The following ARID5B variants were observed in gnomAD, a reference collection of about 807,000 sequenced individuals.
ARID5B encodes AT-rich interaction domain 5B, also known as AT-rich interactive domain-containing protein 5B.
ARID5B carries 13 observed loss-of-function variants against 97.2 expected under a neutral mutation model. The observed-to-expected ratio is 0.13, with a 90% CI of 0.09 to 0.21. The LOEUF is 0.21. Among genes scored for constraint, ARID5B ranks in the 10% least tolerant of loss-of-function variants. The pLI is 1.00. For missense variants in ARID5B, 1,210 were observed against 1,465.3 expected, an observed-to-expected ratio of 0.83 and a Z score of 2.84; for synonymous variants, 556 against 570.3, an observed-to-expected ratio of 0.97 and a Z score of 0.36.
Position 61,969,218 on chromosome 10 carries a change from T to C in ARID5B, c.502+28810T>C, listed in dbSNP as rs1037493291. Among the ~76,000 whole-genome samples, 6 of 152,186 alleles carry C rather than the reference T, an allele frequency of 3.9e-5. No individual in the cohort carries two copies. The East Asian group carries it at 1.2e-3, about 29-fold the overall frequency. On this transcript the variant is annotated intron_variant, in intron 3 of 9. Coordinates refer to ENST00000279873, the MANE Select transcript of ARID5B (RefSeq NM_032199.3). ...AAGAGAACAATGGCATTACTTCTCA[T>C]ATTGGAAGATACGATTTTCAGCAAG...
At chr10:62,017,154 A>G (rs1230599253) in intron 4 of ARID5B, among the ~76,000 whole-genome samples, 1 of 152,236 alleles carries the variant, frequency 6.6e-6, no homozygotes, top group Admixed American at 6.5e-5. Flanking sequence ...ATACGTTTGT[A>G]TATTCATATA....
chr10:61,935,250 C>T (rs1844279042), intron 2 of ARID5B, among the ~76,000 whole-genome samples: 1 of 151,976 alleles, frequency 6.6e-6, no homozygotes, highest in African/African-American at 2.4e-5. Context: ...AGAGGTATGC[C>T]CGTACATGGA....
At chr10:62,080,384 C>G (rs1388976223) in intron 8 of ARID5B, among the ~76,000 whole-genome samples, 6 of 152,198 alleles carry the variant, frequency 3.9e-5, no homozygotes, top group Non-Finnish European at 7.3e-5. Flanking sequence ...ATTCTCATTT[C>G]TCTGCTCATT....
At chr10:62,024,155 T>C (rs1186508157) in intron 4 of ARID5B, among the ~76,000 whole-genome samples, 1 of 152,220 alleles carries the variant, frequency 6.6e-6, no homozygotes, top group South Asian at 2.1e-4. Flanking sequence ...ACTTATTATG[T>C]ACCAGATAAT....
chr10:62,016,694 C>T (rs952514849), intron 4 of ARID5B, among the ~76,000 whole-genome samples: 1 of 152,206 alleles, frequency 6.6e-6, no homozygotes, highest in Non-Finnish European at 1.5e-5. Flanking sequence ...GGCTTCTTGG[C>T]ATCTGTCTTC....
chr10:62,045,531 A>G (rs528973837), intron 4 of ARID5B, among the ~76,000 whole-genome samples: 27 of 151,368 alleles, frequency 1.8e-4, no homozygotes, highest in African/African-American at 5.8e-4. Flanking sequence ...GCTCACCACA[A>G]CCACCGCCTC....
At chr10:62,073,623 C>G (rs1840092885) in intron 8 of ARID5B, among the ~76,000 whole-genome samples, 1 of 152,186 alleles carries the variant, frequency 6.6e-6, no homozygotes, top group South Asian at 2.1e-4. Flanking sequence ...CTATTCATCT[C>G]TGTCAGTTTT....
chr10:62,065,508 A>G (rs1165903691), intron 7 of ARID5B, among the ~76,000 whole-genome samples: 1 of 152,144 alleles, frequency 6.6e-6, no homozygotes, highest in African/African-American at 2.4e-5. Context: ...GGCACAGCTC[A>G]AAAGAAATAA....
chr10:61,907,576 T>C (rs965564288), intron 2 of ARID5B, among the ~76,000 whole-genome samples: 4 of 152,252 alleles, frequency 2.6e-5, no homozygotes, highest in African/African-American at 9.6e-5. Flanking sequence ...TGGTTGCACT[T>C]ATAATAGTTA....
At chr10:61,926,904 G>A (rs924985780) in intron 2 of ARID5B, among the ~76,000 whole-genome samples, 20 of 152,166 alleles carry the variant, frequency 1.3e-4, no homozygotes, top group South Asian at 4.1e-4. Context: ...GATTACAGGC[G>A]TGAGCCACCG....
chr10:61,959,621 G>A (rs74156295), intron 3 of ARID5B, among the ~76,000 whole-genome samples: 2 of 152,120 alleles, frequency 1.3e-5, no homozygotes, highest in Non-Finnish European at 2.9e-5. Context: ...ATTTTCTTGG[G>A]AGACCATTCA....
At chr10:61,917,359 C>T (rs144721859) in intron 2 of ARID5B, among the ~76,000 whole-genome samples, 331 of 152,202 alleles carry the variant, frequency 2.2e-3, no homozygotes, top group Non-Finnish European at 3.7e-3. Flanking sequence ...CAGAGTCTCG[C>T]TCTGTCGCCC....
chr10:61,990,745 G>C (rs1838912653), intron 3 of ARID5B, among the ~76,000 whole-genome samples: 1 of 152,086 alleles, frequency 6.6e-6, no homozygotes, highest in Non-Finnish European at 1.5e-5. Flanking sequence ...TCATTGTTGT[G>C]TAAAATAGAC....
At chr10:62,005,888 G>T (rs186662757) in intron 4 of ARID5B, among the ~76,000 whole-genome samples, 2 of 152,278 alleles carry the variant, frequency 1.3e-5, no homozygotes, top group South Asian at 2.1e-4. Flanking sequence ...TAGGTTTCAT[G>T]GTCACAGTGG....
At chr10:62,082,052 G>A (rs1840220275) in intron 8 of ARID5B, among the ~76,000 whole-genome samples, 1 of 151,816 alleles carries the variant, frequency 6.6e-6, no homozygotes, top group Non-Finnish European at 1.5e-5. Context: ...GCTTTTCACA[G>A]TGACTGAATT....
chr10:62,086,016 A>C, intron 9 of ARID5B, 116 bp downstream of exon 9: 2 of 1,099,618 alleles, frequency 1.8e-6, no homozygotes, highest in Non-Finnish European at 2.6e-6. Flanking sequence ...TGATGAAGAA[A>C]CCAAGAAATC....
At chr10:61,919,999 C>T (rs1047059584) in intron 2 of ARID5B, among the ~76,000 whole-genome samples, 2 of 152,168 alleles carry the variant, frequency 1.3e-5, no homozygotes, top group Non-Finnish European at 2.9e-5. Flanking sequence ...ATTCAAGAGA[C>T]AGCCAAGCAG....
chr10:62,048,407 A>G (rs1411100348), intron 4 of ARID5B, among the ~76,000 whole-genome samples: 1 of 152,188 alleles, frequency 6.6e-6, no homozygotes, highest in African/African-American at 2.4e-5. Flanking sequence ...GGAGGGAAAA[A>G]AAGTTCAGAG....
chr10:61,969,716 T>G (rs1277791814), intron 3 of ARID5B, among the ~76,000 whole-genome samples: 4 of 152,200 alleles, frequency 2.6e-5, no homozygotes, highest in Admixed American at 6.5e-5. Context: ...CAACCAATTT[T>G]CACTCAAGAA....
Sources: gnomAD v4.1 joint callset for allele counts (sites outside exome capture counted in the v4.1 genomes callset) on GRCh38, gnomAD v4.1.1 for gene constraint, MANE v1.5 for transcripts, NCBI Gene and HGNC (gene_info 2026-07-23, HGNC 2026-07-21) for gene names.